The following CREBBP variants were observed in gnomAD, a reference collection of about 807,000 sequenced individuals.
CREBBP encodes the protein CREB binding lysine acetyltransferase, also known as CREB-binding protein.
CREBBP carries 19 observed loss-of-function variants against 265.0 expected under a neutral mutation model. The observed-to-expected ratio is 0.07, with a 90% CI of 0.05 to 0.11. The LOEUF (loss-of-function observed/expected upper bound fraction) is 0.11. CREBBP is among the 10% of genes least tolerant of loss of function. CREBBP has a pLI of 1.00. For missense variants in CREBBP, 2,525 were observed against 3,219.0 expected, an observed-to-expected ratio of 0.78 and a Z score of 5.22; for synonymous variants, 1,457 against 1,223.7, an observed-to-expected ratio of 1.19 and a Z score of -3.98.
intron 2 of CREBBP, among the ~76,000 whole-genome samples, chr16:3,823,253 TTC>T (rs1239753380): frequency 2.0e-5 from 3 of 152,180 alleles, no homozygotes; most frequent in Non-Finnish European, 4.4e-5. Context: ...TACTCAAACA[TTC>T]TGAGTGCCCA....
intron 22 of CREBBP, 91 bp downstream of exon 22, chr16:3,745,186 G>T: frequency 8.3e-7 from 1 of 1,206,544 alleles, no homozygotes; most frequent in Non-Finnish European, 1.2e-6. Context: ...AATTCTTGCT[G>T]ACAACAATGA....
In CREBBP at chr16:3,792,755, A is replaced by G. The variant is rs189397863; in HGVS notation, c.1216+631T>C. On this transcript the variant is annotated intron_variant, in intron 4 of 30. Transcript: ENST00000262367. ...AAGGAAAGAGAATAAAGATTAAAGG[A>G]AAGTACAGCTGTTAATAAGAAACAC... Among the ~76,000 whole-genome samples, 54 of 152,346 alleles carry G rather than the reference A, an allele frequency of 3.5e-4. No individual in the cohort carries two copies. In the Middle Eastern group the frequency reaches 0.01, roughly 29 times the overall value.
At chr16:3,839,046 G>C (rs990805472) in intron 2 of CREBBP, among the ~76,000 whole-genome samples, 2 of 152,078 alleles carry the variant, frequency 1.3e-5, no homozygotes, top group Non-Finnish European at 2.9e-5. Flanking sequence ...CATTTAATTG[G>C]CATGCGATTC....
chr16:3,732,055 C>A, intron 28 of CREBBP, 118 bp from the exon 29 acceptor site: 4 of 1,582,304 alleles, frequency 2.5e-6, no homozygotes, highest in Non-Finnish European at 3.4e-6. Context: ...CACCACCAGG[C>A]AGACCCCATA....
At chr16:3,844,453 T>C (rs1330230773) in intron 2 of CREBBP, among the ~76,000 whole-genome samples, 2 of 152,212 alleles carry the variant, frequency 1.3e-5, no homozygotes, top group Non-Finnish European at 2.9e-5. Context: ...AGAAATTTGA[T>C]AAAACCTAAC....
At chr16:3,858,222 T>G (rs996960896) in intron 1 of CREBBP, among the ~76,000 whole-genome samples, 2 of 152,182 alleles carry the variant, frequency 1.3e-5, no homozygotes, top group Non-Finnish European at 2.9e-5. Flanking sequence ...GGTGGCTAAA[T>G]CAATCTGTGC....
intron 1 of CREBBP, among the ~76,000 whole-genome samples, chr16:3,855,847 G>C (rs1356580198): frequency 6.6e-6 from 1 of 152,214 alleles, no homozygotes; most frequent in Admixed American, 6.5e-5. Context: ...TATTAAATAT[G>C]TATTAAAAAG....
chr16:3,777,342 T>TA (rs1567304957), intron 11 of CREBBP, among the ~76,000 whole-genome samples: 1 of 151,176 alleles, frequency 6.6e-6, no homozygotes, highest in East Asian at 1.9e-4. Flanking sequence ...CTCAAAAAAA[T>TA]AAAAATAAAA....
intron 13 of CREBBP, chr16:3,773,547 T>A (rs956290634): frequency 3.3e-6 from 2 of 607,664 alleles, no homozygotes; most frequent in African/African-American, 3.7e-5. Context: ...TTGCATATAG[T>A]TAACCCAGAA....
Position 3,731,316 on chromosome 16 carries a change from C to T in CREBBP, c.5048G>A (p.Arg1683His), listed in dbSNP as rs1247401109. Reference protein sequence around the residue: ...DKHWEFSSLRRSKWSTLCMLV... With the variant: ...DKHWEFSSLRHSKWSTLCMLV... The stretch of plus-strand genomic sequence containing the variant: ...CATGCAGAGCGTGGACCACTTGGAG[C>T]GGCGCAAGGAGGAGAACTCCCAGTG... Residue 1683 changes from arginine to histidine, a missense_variant, in exon 30 of 31, where the codon CGC becomes CAC. Physicochemically the swap from Arg to His is conservative, Grantham distance 29. This residue lies in a region of CREBBP where 62 missense variants were observed against 156.2 expected (regional missense o/e 0.40). Coordinates refer to ENST00000262367, the MANE Select transcript of CREBBP (RefSeq NM_004380.3). This position sits in a 1 kb window ranked among gnomAD's most constrained non-coding sequence, Gnocchi z 7.7. 1.9e-6 allele frequency: 3 copies of T among 1,614,074 alleles called. No individual in the cohort carries two copies. The highest frequency in any genetic ancestry group is 1.7e-6 in the Non-Finnish European group (2 of 1,180,012).
At chr16:3,758,734 A>G (rs1194287392) in intron 17 of CREBBP, 120 bp downstream of exon 17, 3 of 829,150 alleles carry the variant, frequency 3.6e-6, no homozygotes, top group East Asian at 2.5e-5. Flanking sequence ...ACAGTTTTTT[A>G]TATTAGGAGA....
intron 2 of CREBBP, among the ~76,000 whole-genome samples, chr16:3,814,164 A>AGT (rs35866243): frequency 0.18 from 21,856 of 119,582 alleles, 2,056 homozygotes; most frequent in East Asian, 0.34. Flanking sequence ...AATGTTGTTT[A>AGT]GTGTGTGTGT....
rs745908607 is a variant in CREBBP, at chr16:3,725,800, C to T, written c.*1918G>A. On this transcript the variant is annotated 3_prime_UTR_variant, in exon 31 of 31. Transcript: ENST00000262367. ...CTATCTGTGAATGTAAGGGCCCAAA[C>T]GGAAGCTATTTGGGGCGTGATTTCT... 1.7e-5 allele frequency: 4 copies of T among 233,210 alleles called. No homozygotes were observed. The highest frequency in any genetic ancestry group is 6.0e-5 in the East Asian group (1 of 16,584). The allele number at this position is 233,210 out of a possible 1,614,324, so 14.4% of individuals were successfully genotyped here. A position where few individuals can be genotyped will look rare whatever the true frequency, so the allele number is the denominator to read the frequency against.
At chr16:3,831,283 TA>T (rs533608705) in intron 2 of CREBBP, among the ~76,000 whole-genome samples, 85 of 152,280 alleles carry the variant, frequency 5.6e-4, no homozygotes, top group African/African-American at 2.0e-3. Context: ...GGTCAAAGAA[TA>T]AATCACATGT....
chr16:3,849,438 T>TGTGTGTGTGTGTGTGTGTG (rs2054760448), intron 2 of CREBBP, among the ~76,000 whole-genome samples: 1 of 12,794 alleles, frequency 7.8e-5, no homozygotes, highest in African/African-American at 1.1e-4. Context: ...TGTGTGTGTG[T>TGTGTGTGTGTGTGTGTGTG]GTGTGTGTGT....
At chr16:3,736,240 T>C (rs1214407656) in intron 27 of CREBBP, 37 bp from the exon 28 acceptor site, 1 of 1,597,874 alleles carries the variant, frequency 6.3e-7, no homozygotes, top group Non-Finnish European at 8.6e-7. Flanking sequence ...ATGAGGGCCA[T>C]GCACGCGTGC....
chr16:3,850,607 G>T lies in CREBBP; in HGVS notation c.488C>A (p.Thr163Asn), dbSNP rs2141493181. The T allele has an allele frequency of 1.9e-6, 3 of 1,614,262 alleles. No individual in the cohort carries two copies. Among genetic ancestry groups the T allele is most frequent in the Non-Finnish European group, 1.7e-6 (2 of 1,180,046 alleles). ...AGTCTGTGACGTGGCAGGGCTGCTA[G>T]TCGCCAGCCCCACTTGCTTTTGTGC... Reference protein sequence around the residue: ...PQAQKQVGLATSSPATSQTGP... With the variant: ...PQAQKQVGLANSSPATSQTGP... Residue 163 changes from threonine to asparagine, a missense_variant, in exon 2 of 31, where the codon ACT (threonine) becomes AAT (asparagine). By Grantham distance (65) the Thr-to-Asn change is moderately conservative. This residue lies in a region of CREBBP where 356 missense variants were observed against 340.4 expected (regional missense o/e 1.05). Transcript: ENST00000262367.
chr16:3,842,954 G>A (rs1200221220), intron 2 of CREBBP, among the ~76,000 whole-genome samples: 9 of 53,774 alleles, frequency 1.7e-4, no homozygotes, highest in African/African-American at 5.6e-4. Context: ...CAAAAAGAGC[G>A]AAACTCCCAT....
chr16:3,777,718 T>C, intron 10 of CREBBP, 61 bp from the exon 11 acceptor site: 1 of 1,588,716 alleles, frequency 6.3e-7, no homozygotes, highest in Non-Finnish European at 8.6e-7. Context: ...TAATCCTTGA[T>C]TCAGGAATAG....
Sources: allele counts gnomAD v4.1 joint callset (sites outside exome capture counted in the v4.1 genomes callset), GRCh38; gene constraint gnomAD v4.1.1; regional missense constraint gnomAD v4.1.1; non-coding constraint Gnocchi (gnomAD v3.1); transcripts MANE v1.5; gene names NCBI Gene and HGNC (gene_info 2026-07-23, HGNC 2026-07-21).